Variants in CEP55 observed in about 807,000 individuals in gnomAD.
CEP55 encodes the protein centrosomal protein of 55 kDa.
Under a neutral mutation model 63.2 loss-of-function variants are expected in CEP55, and 57 were observed. That is an observed-to-expected ratio of 0.90 (90% CI 0.73 to 1.13). CEP55 has a LOEUF of 1.13. CEP55 is among the 50% of genes most tolerant of loss of function. The pLI, the probability that CEP55 is intolerant of heterozygous loss-of-function variation, is 0.00. For synonymous variants in CEP55, 178 were observed against 191.6 expected, an observed-to-expected ratio of 0.93 and a Z score of 0.59; for missense variants, 456 against 518.9, an observed-to-expected ratio of 0.88 and a Z score of 1.18.
intron 3 of CEP55, among the ~76,000 whole-genome samples, chr10:93,503,761 A>G (rs1057374955): frequency 1.3e-5 from 2 of 152,154 alleles, no homozygotes; most frequent in African/African-American, 4.8e-5. Flanking sequence ...TATAATATCA[A>G]GTATACTTTT....
At chr10:93,523,235 T>C (rs958482149) in intron 8 of CEP55, among the ~76,000 whole-genome samples, 5 of 151,954 alleles carry the variant, frequency 3.3e-5, no homozygotes, top group African/African-American at 1.2e-4. Flanking sequence ...AACAAAGGGA[T>C]TGAGGAAGAT....
Position 93,519,742 on chromosome 10 carries a change from C to T in CEP55, c.1126C>T (p.Gln376Ter), listed in dbSNP as rs2134490435. ...ACTCGACCGTCAACATGTGCAGCAT[C>T]AATTGCATGTAATTCTTAAGGAGCT... Reference protein sequence around the residue: ...EKLDRQHVQHQLHVILKELRK... With the variant: ...EKLDRQHVQH Residue 376 changes from glutamine to a stop codon, truncating the protein, a stop_gained, in exon 8 of 9, where the codon CAA becomes TAA. Coordinates refer to ENST00000371485, the MANE Select transcript of CEP55 (RefSeq NM_018131.5). LOFTEE classifies it high-confidence loss of function. The T allele has an allele frequency of 6.2e-7, 1 of 1,614,060 alleles. No homozygotes were observed. The highest frequency in any genetic ancestry group is 8.5e-7 in the Non-Finnish European group (1 of 1,179,938).
rs560417580 is a variant in CEP55 at position 93,519,724 on chromosome 10, C to T, written c.1108C>T (p.Arg370Cys). The change falls in exon 8 of 9, where the codon CGT (arginine) becomes TGT (cysteine). Residue 370 changes from arginine to cysteine, a missense_variant. Coordinates refer to ENST00000371485, the MANE Select transcript of CEP55 (RefSeq NM_018131.5). ...AGACTTTGAAAATGAAAAACTCGAC[C>T]GTCAACATGTGCAGCATCAATTGCA... ...TLDFENEKLD[R>C]QHVQHQLHVI... is the part of the protein sequence containing the mutation. The T allele has an allele frequency of 1.9e-5, 31 of 1,614,064 alleles. No individual in the cohort carries two copies. The highest frequency in any genetic ancestry group is 2.5e-5 in the Non-Finnish European group (29 of 1,179,970).
At chr10:93,501,436 C>T (rs956753112) in intron 2 of CEP55, among the ~76,000 whole-genome samples, 2 of 152,128 alleles carry the variant, frequency 1.3e-5, no homozygotes, top group African/African-American at 4.8e-5. Flanking sequence ...TGCCTATAAT[C>T]CCAGCACTTT....
At chr10:93,512,100 G>C (rs996157028) in intron 4 of CEP55, among the ~76,000 whole-genome samples, 1 of 151,300 alleles carries the variant, frequency 6.6e-6, no homozygotes, top group Non-Finnish European at 1.5e-5. Flanking sequence ...GGTGGTACAC[G>C]CCTGTAATCC....
chr10:93,526,850 G>A (rs1234158294), intron 8 of CEP55, among the ~76,000 whole-genome samples: 20 of 152,018 alleles, frequency 1.3e-4, no homozygotes, highest in Admixed American at 7.9e-4. Flanking sequence ...ATCAAACACC[G>A]CATGTTCTCA....
intron 2 of CEP55, 21 bp downstream of exon 2, chr10:93,500,255 T>C (rs965951308): frequency 1.3e-6 from 2 of 1,580,210 alleles, no homozygotes; most frequent in African/African-American, 2.7e-5. Flanking sequence ...TTCTGATCCT[T>C]TAAATTGTAA....
chr10:93,526,089 G>T (rs947483291), intron 8 of CEP55, among the ~76,000 whole-genome samples: 7 of 152,022 alleles, frequency 4.6e-5, no homozygotes, highest in Non-Finnish European at 7.4e-5. Context: ...TGACAAATGG[G>T]ATCTAATTAA....
At chr10:93,501,806 G>C (rs1477106777) in intron 2 of CEP55, among the ~76,000 whole-genome samples, 1 of 152,052 alleles carries the variant, frequency 6.6e-6, no homozygotes, top group Non-Finnish European at 1.5e-5. Flanking sequence ...GCTTTTTCAA[G>C]CACTTAGAGA....
chr10:93,518,951 A>G lies in CEP55; in HGVS notation c.1065+3A>G, dbSNP rs748409638. 1.6e-5 allele frequency: 25 copies of G among 1,610,108 alleles called. No homozygotes were observed. In the South Asian group the frequency reaches 2.7e-4, roughly 18 times the overall value. On this transcript the variant is annotated splice_donor_region_variant and intron_variant, in intron 7 of 8. Transcript: ENST00000371485. ...GGGTAGCTCTGTTGGAACAACAGGT[A>G]CTCATTCGGGTTGCTTCTAAATTCA... is the stretch of plus-strand genomic sequence containing the variant.
Position 93,500,281 on chromosome 10 carries a change from G to A in CEP55, c.183+47G>A, listed in dbSNP as rs147010958. On this transcript the variant is annotated intron_variant, in intron 2 of 8. Transcript: ENST00000371485. ...TAAATTGTAAGCTCTCCAAGAAAGC[G>A]ATGCATGAAGATTTCCTGATGCTAC... The A allele has an allele frequency of 4.9e-6, 7 of 1,439,300 alleles. No homozygotes were observed. The South Asian group carries it at 4.9e-5, about 10-fold the overall frequency. 89.2% of individuals were successfully genotyped at this position (1,439,300 alleles called of 1,614,324 possible).
At chr10:93,497,078 C>G (rs1167630410) in intron 1 of CEP55, among the ~76,000 whole-genome samples, 155 bp downstream of exon 1, 1 of 149,684 alleles carries the variant, frequency 6.7e-6, no homozygotes, top group African/African-American at 2.4e-5. Context: ...CCTTTTTTTG[C>G]AGTTTCTCTT....
intron 4 of CEP55, 132 bp downstream of exon 4, chr10:93,507,188 C>A: frequency 3.7e-6 from 2 of 538,366 alleles, no homozygotes; most frequent in East Asian, 3.3e-5. Context: ...AAGTCTCTTT[C>A]TATACATTCG....
intron 4 of CEP55, among the ~76,000 whole-genome samples, chr10:93,509,468 CATTATT>C (rs10606106): frequency 0.87 from 127,967 of 147,158 alleles, 55,887 homozygotes; most frequent in Middle Eastern, 0.96. Flanking sequence ...GAACCATTAA[CATTATT>C]ATTATTATTA....
intron 8 of CEP55, among the ~76,000 whole-genome samples, chr10:93,525,101 A>G (rs956110303): frequency 2.0e-5 from 3 of 151,880 alleles, no homozygotes; most frequent in African/African-American, 7.3e-5. Context: ...GCAATCAGGC[A>G]GGAGAAGGAA....
intron 1 of CEP55, among the ~76,000 whole-genome samples, chr10:93,498,024 A>G (rs868726349): frequency 2.6e-5 from 4 of 152,080 alleles, no homozygotes; most frequent in Admixed American, 2.6e-4. Flanking sequence ...CAGGAGGCTG[A>G]GGCAGGAGAA....
Position 93,515,492 on chromosome 10 carries a change from G to C in CEP55, c.616G>C (p.Glu206Gln). The change falls in exon 5 of 9, where the codon GAA (glutamate) becomes CAA (glutamine). Residue 206 changes from glutamate (E) to glutamine (Q), a missense_variant. Glu to Gln is a conservative substitution (Grantham distance 29). Transcript: ENST00000371485. ...KGLLAKIFEL[E>Q]KKTETAAHSL... Reference sequence around the variant, plus strand: ...ACTTTTAGCAAAGATCTTTGAGTTGGAAAAGAAAACGGAAACAGCTGCTCA... The same window carrying C: ...ACTTTTAGCAAAGATCTTTGAGTTGCAAAAGAAAACGGAAACAGCTGCTCA... 6.2e-7 allele frequency: 1 copy of C among 1,613,750 alleles called. No individual in the cohort carries two copies. Among genetic ancestry groups the C allele is most frequent in the South Asian group, 1.1e-5 (1 of 91,074 alleles).
intron 2 of CEP55, 28 bp downstream of exon 2, chr10:93,500,262 G>GT (rs2057619690): frequency 5.1e-6 from 8 of 1,560,758 alleles, no homozygotes; most frequent in Non-Finnish European, 7.0e-6. Flanking sequence ...CCTTTAAATT[G>GT]TAAGCTCTCC....
Position 93,517,192 on chromosome 10 carries a change from A to G in CEP55, c.937A>G (p.Ile313Val). 6.2e-7 allele frequency: 1 copy of G among 1,612,218 alleles called. No individual in the cohort carries two copies. Among genetic ancestry groups the G allele is most frequent in the South Asian group, 1.1e-5 (1 of 90,556 alleles). Residue 313 changes from isoleucine to valine, a missense_variant, in exon 6 of 9, where the codon ATT (isoleucine) becomes GTT (valine). Coordinates refer to ENST00000371485, the MANE Select transcript of CEP55 (RefSeq NM_018131.5). The stretch of plus-strand genomic sequence containing the variant: ...ACAAAAACTCAGGGAAGAGAATGAT[A>G]TTGCTAGGGGAAAACTTGAAGAAGA... ...KIQKLREEND[I>V]ARGKLEEEKK... is the part of the protein sequence containing the mutation.
Sources: allele counts gnomAD v4.1 joint callset (sites outside exome capture counted in the v4.1 genomes callset), GRCh38; gene constraint gnomAD v4.1.1; transcripts MANE v1.5; gene names NCBI Gene and HGNC (gene_info 2026-07-23, HGNC 2026-07-21).